Variants in UVRAG observed in about 807,000 individuals in gnomAD.
The protein encoded by UVRAG is UV radiation resistance-associated gene protein.
Under a neutral mutation model 78.0 loss-of-function variants are expected in UVRAG, and 19 were observed. That is an observed-to-expected ratio of 0.24 (90% confidence interval 0.17 to 0.36). The LOEUF (loss-of-function observed/expected upper bound fraction) is 0.36, where lower values mean the gene tolerates loss of function less well. Ranked by LOEUF, UVRAG falls within the 10% of genes least tolerant of loss-of-function variation. The probability of loss-of-function intolerance (pLI) is 1.00; values close to 1 mark genes in which losing one functional copy is unlikely to be tolerated. For missense variants in UVRAG, 740 were observed against 853.8 expected (o/e 0.87, Z 1.66); for synonymous variants, 323 against 324.6 (o/e 1.00, Z 0.05).
chr11:75,879,456 T>A (rs1946889736), intron 3 of UVRAG, among the ~76,000 whole-genome samples: 1 of 152,264 alleles, frequency 6.6e-6, no homozygotes, highest in African/African-American at 2.4e-5. Flanking sequence ...CTTTCTCTTC[T>A]GCTGTGTAGC....
chr11:75,969,557 T>A (rs1352069246), intron 7 of UVRAG, among the ~76,000 whole-genome samples: 1 of 152,180 alleles, frequency 6.6e-6, no homozygotes, highest in Non-Finnish European at 1.5e-5. Flanking sequence ...AGGGCCTTTA[T>A]TGATGTTTGG....
chr11:76,140,915 C>A lies in UVRAG; in HGVS notation c.1602C>A (p.Val534=), dbSNP rs753373982. 6.2e-7 allele frequency: 1 copy of A among 1,614,174 alleles called. No individual in the cohort carries two copies. The highest frequency in any genetic ancestry group is 8.5e-7 in the Non-Finnish European group (1 of 1,180,024). ...NSALAQPVTT[V]PSMGETERKI... Reference sequence around the variant, plus strand: ...CATTAGCCCAGCCTGTGACCACCGTCCCCTCCATGGGAGAGACCGAGAGAA... The same window carrying A: ...CATTAGCCCAGCCTGTGACCACCGTACCCTCCATGGGAGAGACCGAGAGAA... Residue 534 remains valine, a synonymous_variant, in exon 15 of 15, where the codon GTC becomes GTA. Coordinates refer to ENST00000356136, the MANE Select transcript of UVRAG (RefSeq NM_003369.4).
chr11:75,956,094 A>G (rs1948792154), intron 6 of UVRAG, among the ~76,000 whole-genome samples: 1 of 152,018 alleles, frequency 6.6e-6, no homozygotes, highest in South Asian at 2.1e-4. Flanking sequence ...AGATCCATTC[A>G]TATTGTTGTA....
chr11:75,997,590 A>G (rs1233979567), intron 8 of UVRAG, among the ~76,000 whole-genome samples: 1 of 152,232 alleles, frequency 6.6e-6, no homozygotes, highest in African/African-American at 2.4e-5. Context: ...ATATACATGT[A>G]TAAAGAATGA....
intron 13 of UVRAG, among the ~76,000 whole-genome samples, chr11:76,108,039 T>G (rs370062855): frequency 2.0e-5 from 3 of 152,200 alleles, no homozygotes; most frequent in African/African-American, 7.2e-5. Context: ...TTTAGTAACC[T>G]TTTTTGAAGC....
At chr11:76,007,700 C>T in intron 10 of UVRAG, 79 bp downstream of exon 10, 1 of 1,125,200 alleles carries the variant, frequency 8.9e-7, no homozygotes, top group Admixed American at 1.8e-5. Flanking sequence ...AATGAAAAAA[C>T]TCATTGCTTT....
At chr11:75,903,992 C>G (rs1371370454) in intron 5 of UVRAG, among the ~76,000 whole-genome samples, 1 of 152,188 alleles carries the variant, frequency 6.6e-6, no homozygotes, top group East Asian at 1.9e-4. Context: ...ATCCAATGAA[C>G]TAGTACAGGG....
chr11:76,000,036 C>CT (rs1949781418), intron 8 of UVRAG, among the ~76,000 whole-genome samples: 1 of 151,668 alleles, frequency 6.6e-6, no homozygotes, highest in African/African-American at 2.4e-5. Flanking sequence ...TTTTAAAGAG[C>CT]TTAAAAAATA....
chr11:75,979,368 C>T (rs1949337466), intron 7 of UVRAG, among the ~76,000 whole-genome samples: 1 of 152,220 alleles, frequency 6.6e-6, no homozygotes, highest in Non-Finnish European at 1.5e-5. Flanking sequence ...ATATCTCAAA[C>T]TCTGTGCTGG....
chr11:76,090,440 C>G (rs1424186243), intron 13 of UVRAG, among the ~76,000 whole-genome samples: 1 of 152,112 alleles, frequency 6.6e-6, no homozygotes. Context: ...TCCCTTTAAC[C>G]CTCCCTGGCA....
At chr11:75,857,739 T>G (rs1946325042) in intron 2 of UVRAG, among the ~76,000 whole-genome samples, 2 of 151,946 alleles carry the variant, frequency 1.3e-5, no homozygotes, top group African/African-American at 2.4e-5. Context: ...CCACCCGTCT[T>G]GGCTTCCCTA....
intron 13 of UVRAG, among the ~76,000 whole-genome samples, chr11:76,114,938 G>T (rs1189023179): frequency 1.3e-5 from 2 of 152,194 alleles, no homozygotes; most frequent in Non-Finnish European, 2.9e-5. Context: ...CTTCACATTT[G>T]TACACAGACA....
At chr11:76,002,557 C>T (rs545200017) in intron 8 of UVRAG, among the ~76,000 whole-genome samples, 15 of 152,222 alleles carry the variant, frequency 9.9e-5, no homozygotes, top group Middle Eastern at 3.4e-3. Context: ...TGATACTGCA[C>T]GTTTCTCTAG....
chr11:76,103,777 C>A lies in UVRAG; in HGVS notation c.1306-12147C>A, dbSNP rs562873205. On this transcript the variant is annotated intron_variant, in intron 13 of 14. Coordinates refer to ENST00000356136, the MANE Select transcript of UVRAG (RefSeq NM_003369.4). ...ATTTAAGGCACCTCATTACCAGATT[C>A]TTTAAGGAAAACTGGAGGGAGTTCT... Among the ~76,000 whole-genome samples the A allele has an allele frequency of 1.4e-4, 21 of 152,122 alleles. No homozygotes were observed. The East Asian group carries it at 4.1e-3, about 29-fold the overall frequency.
chr11:75,984,972 T>G (rs1366597772), intron 8 of UVRAG, among the ~76,000 whole-genome samples: 2 of 152,154 alleles, frequency 1.3e-5, no homozygotes, highest in Non-Finnish European at 2.9e-5. Context: ...ATACGTTTCT[T>G]AATAAAGATT....
chr11:76,001,173 A>G (rs1487711099), intron 8 of UVRAG, among the ~76,000 whole-genome samples: 1 of 152,234 alleles, frequency 6.6e-6, no homozygotes, highest in African/African-American at 2.4e-5. Flanking sequence ...ACTGGAAGTT[A>G]CTAACAGAAA....
At chr11:75,882,210 T>A (rs542695139) in intron 4 of UVRAG, among the ~76,000 whole-genome samples, 5 of 152,204 alleles carry the variant, frequency 3.3e-5, no homozygotes, top group African/African-American at 1.2e-4. Flanking sequence ...TTTTTTCAGG[T>A]TAAAAATCTG....
At chr11:75,838,915 A>G (rs1486936666) in intron 1 of UVRAG, 1 of 152,232 alleles carries the variant, frequency 6.6e-6, no homozygotes. Flanking sequence ...TGGTGGCTTT[A>G]TAAGAACAGA....
At chr11:75,896,203 G>A (rs976790658) in intron 5 of UVRAG, among the ~76,000 whole-genome samples, 10 of 152,170 alleles carry the variant, frequency 6.6e-5, no homozygotes, top group African/African-American at 2.2e-4. Flanking sequence ...TGAAGTTGGT[G>A]TGGAGGTTGG....
Sources: allele counts gnomAD v4.1 joint callset (sites outside exome capture counted in the v4.1 genomes callset), GRCh38; gene constraint gnomAD v4.1.1; transcripts MANE v1.5; gene names NCBI Gene and HGNC (gene_info 2026-07-23, HGNC 2026-07-21).